Variants in SHISA6 observed in about 807,000 individuals in gnomAD.
The protein encoded by SHISA6 is shisa family member 6, also known as protein shisa-6.
In SHISA6, 22 loss-of-function variants were observed where a neutral mutation model predicts 47.9. The ratio of observed to expected loss-of-function variants is 0.46; its 90% CI spans 0.33 to 0.66. The LOEUF (loss-of-function observed/expected upper bound fraction) is 0.66, where lower values mean the gene tolerates loss of function less well. Ranked by LOEUF, SHISA6 falls within the 30% of genes least tolerant of loss-of-function variation. The pLI, the probability that SHISA6 is intolerant of heterozygous loss-of-function variation, is 0.02. For missense variants in SHISA6, 680 were observed against 764.6 expected, an observed-to-expected ratio of 0.89 and a Z score of 1.30; for synonymous variants, 388 against 337.8, an observed-to-expected ratio of 1.15 and a Z score of -1.63.
chr17:11,334,830 C>G (rs969885206), intron 2 of SHISA6, among the ~76,000 whole-genome samples: 1 of 152,186 alleles, frequency 6.6e-6, no homozygotes, highest in African/African-American at 2.4e-5. Context: ...GAATTCAGCC[C>G]CACGGAAGAC....
intron 2 of SHISA6, among the ~76,000 whole-genome samples, chr17:11,320,780 C>CTGA (rs1011844814): frequency 6.6e-6 from 1 of 152,156 alleles, no homozygotes; most frequent in African/African-American, 2.4e-5. Flanking sequence ...TTTTTAGAGC[C>CTGA]TACATCCTTT....
At chr17:11,407,493 G>T (rs962017177) in intron 3 of SHISA6, among the ~76,000 whole-genome samples, 5 of 150,280 alleles carry the variant, frequency 3.3e-5, no homozygotes, top group Non-Finnish European at 7.4e-5. Context: ...TTAGCATATT[G>T]TTTTTTTTTT....
intron 3 of SHISA6, among the ~76,000 whole-genome samples, chr17:11,511,277 G>A (rs1417180043): frequency 1.3e-5 from 2 of 152,020 alleles, no homozygotes; most frequent in Non-Finnish European, 2.9e-5. Context: ...ACACACTGGG[G>A]CCTGTCAAGG....
At chr17:11,377,058 A>G (rs1172625015) in intron 2 of SHISA6, among the ~76,000 whole-genome samples, 1 of 152,196 alleles carries the variant, frequency 6.6e-6, no homozygotes, top group Admixed American at 6.5e-5. Flanking sequence ...AGCTTCATAG[A>G]CAGTTCAGTG....
intron 3 of SHISA6, among the ~76,000 whole-genome samples, chr17:11,470,242 G>C (rs553780912): frequency 9.2e-5 from 14 of 152,148 alleles, no homozygotes; most frequent in Non-Finnish European, 1.6e-4. Context: ...GTCTGTCAAG[G>C]TTCCAACTTA....
At chr17:11,384,213 T>C (rs1913121849) in intron 3 of SHISA6, among the ~76,000 whole-genome samples, 1 of 152,222 alleles carries the variant, frequency 6.6e-6, no homozygotes, top group Non-Finnish European at 1.5e-5. Context: ...CTGCTGCTGC[T>C]CACTGTGCTA....
At chr17:11,396,469 A>G (rs1465953417) in intron 3 of SHISA6, among the ~76,000 whole-genome samples, 7 of 152,226 alleles carry the variant, frequency 4.6e-5, no homozygotes, top group Non-Finnish European at 1.0e-4. Flanking sequence ...GTGTCTTTAT[A>G]GTAGAATGAT....
At chr17:11,331,396 T>TTCTGAAG (rs1212913460) in intron 2 of SHISA6, among the ~76,000 whole-genome samples, 2 of 152,198 alleles carry the variant, frequency 1.3e-5, no homozygotes, top group Non-Finnish European at 2.9e-5. Context: ...CACCACTGAA[T>TTCTGAAG]TCTGAAGTCC....
rs148152970 is a variant in SHISA6, at chr17:11,561,446, G to T, written c.*3142G>T. Reference sequence around the variant, plus strand: ...TTCCCTGTCTTGCTCCAGGCTCCTGGCTCCATGCCTTCCTGTGTCAAAAAG... The same window carrying T: ...TTCCCTGTCTTGCTCCAGGCTCCTGTCTCCATGCCTTCCTGTGTCAAAAAG... On this transcript the variant is annotated 3_prime_UTR_variant, in exon 6 of 6. Transcript: ENST00000441885. 1.2e-4 allele frequency: 18 copies of T among 152,510 alleles called. No homozygotes were observed. The highest frequency in any genetic ancestry group is 4.3e-4 in the African/African-American group (18 of 41,546). 9.4% of individuals were successfully genotyped at this position (152,510 alleles called of 1,614,324 possible).
In SHISA6 at chr17:11,451,323, G is replaced by T. The variant is rs11871151; in HGVS notation, c.895+71814G>T. Among the ~76,000 whole-genome samples, 1,218 of 152,180 alleles carry T rather than the reference G, an allele frequency of 8.0e-3. 22 individuals are homozygous for T. Among genetic ancestry groups the T allele is most frequent in the African/African-American group, 0.028 (1,153 of 41,490 alleles). On this transcript the variant is annotated intron_variant, in intron 3 of 5. Transcript: ENST00000441885. ...GGCCTTTTCAATTCTTATTCTCTTTGCCCTATGGAGGAGGAAGAGGTTAGA... is the reference window on the plus strand; with the variant it reads ...GGCCTTTTCAATTCTTATTCTCTTTTCCCTATGGAGGAGGAAGAGGTTAGA...
intron 3 of SHISA6, among the ~76,000 whole-genome samples, chr17:11,422,415 C>T (rs576746416): frequency 7.9e-5 from 12 of 152,290 alleles, no homozygotes; most frequent in Non-Finnish European, 1.6e-4. Context: ...GGAAGGAGGG[C>T]TCAGAGCTCA....
At chr17:11,348,323 A>C (rs1339486068) in intron 2 of SHISA6, among the ~76,000 whole-genome samples, 2 of 152,194 alleles carry the variant, frequency 1.3e-5, no homozygotes, top group Non-Finnish European at 2.9e-5. Context: ...CATGATTCTC[A>C]AAAACTGAAC....
At chr17:11,528,612 C>T (rs951309746) in intron 3 of SHISA6, among the ~76,000 whole-genome samples, 5 of 152,088 alleles carry the variant, frequency 3.3e-5, no homozygotes, top group Non-Finnish European at 5.9e-5. Context: ...AGCACTGAGA[C>T]ACAGACACTG....
chr17:11,332,364 A>G (rs1911151653), intron 2 of SHISA6, among the ~76,000 whole-genome samples: 1 of 152,166 alleles, frequency 6.6e-6, no homozygotes, highest in Admixed American at 6.5e-5. Flanking sequence ...ACTGGGGACA[A>G]CTTGCTTTCT....
chr17:11,314,461 T>TTA lies in SHISA6; in HGVS notation c.799+50945_799+50946dup, dbSNP rs1021138118. The stretch of plus-strand genomic sequence containing the variant: ...ATAAGGTAGGAAACTAAGATATATA[T>TTA]TATATATATATTTGTGAATATATAC... On this transcript the variant is annotated intron_variant, in intron 2 of 5. Transcript: ENST00000441885. 2.6e-5 allele frequency among the ~76,000 whole-genome samples: 4 copies of TTA among 151,714 alleles called. No individual in the cohort carries two copies. The East Asian group carries it at 7.7e-4, about 29-fold the overall frequency.
chr17:11,267,114 A>C (rs958535949), intron 2 of SHISA6, among the ~76,000 whole-genome samples: 10 of 152,190 alleles, frequency 6.6e-5, no homozygotes, highest in African/African-American at 2.4e-4. Context: ...CCCCTTCTAT[A>C]AGAGCCTTTT....
chr17:11,377,488 G>A (rs1342877377), intron 2 of SHISA6, among the ~76,000 whole-genome samples: 3 of 152,190 alleles, frequency 2.0e-5, no homozygotes, highest in Admixed American at 2.0e-4. Flanking sequence ...CAGGAGACTT[G>A]ATAGAAGTGC....
Position 11,558,019 on chromosome 17 carries a change from G to A in SHISA6, c.1371G>A (p.Pro457=), listed in dbSNP as rs7211268. 8.5e-4 allele frequency: 1,318 copies of A among 1,551,550 alleles called. 4 individuals carry two copies. Among genetic ancestry groups the A allele is most frequent in the African/African-American group, 7.0e-3 (513 of 73,194 alleles). ...LSTERLHSQD[P]LLSPERTAFP... is the part of the protein sequence containing the mutation. ...CGGAGCGCCTGCACTCCCAGGACCC[G>A]CTGCTGTCCCCGGAGCGGACGGCCT... Residue 457 remains proline (P), a synonymous_variant, in exon 6 of 6, where the codon CCG becomes CCA. Transcript: ENST00000441885.
At chr17:11,461,002 TTATC>T (rs1915675954) in intron 3 of SHISA6, among the ~76,000 whole-genome samples, 1 of 152,232 alleles carries the variant, frequency 6.6e-6, no homozygotes, top group African/African-American at 2.4e-5. Flanking sequence ...TAATGAATGA[TTATC>T]TACTAGTTTC....
Sources: allele counts gnomAD v4.1 joint callset (sites outside exome capture counted in the v4.1 genomes callset), GRCh38; gene constraint gnomAD v4.1.1; transcripts MANE v1.5; gene names NCBI Gene and HGNC (gene_info 2026-07-23, HGNC 2026-07-21).